PRSS23: variants seen among roughly 807,000 people sequenced by gnomAD.
PRSS23 encodes the protein serine protease 23.
A neutral mutation model predicts 34.7 loss-of-function variants in PRSS23; 25 were observed. That is an observed-to-expected ratio of 0.72 (90% CI 0.53 to 1.01). The LOEUF (loss-of-function observed/expected upper bound fraction) is 1.01. Ranked by LOEUF, PRSS23 falls within the 50% of genes least tolerant of loss-of-function variation. The pLI is 0.00. For synonymous variants in PRSS23, 176 were observed against 186.6 expected, an observed-to-expected ratio of 0.94 and a Z score of 0.46; for missense variants, 445 against 475.6, an observed-to-expected ratio of 0.94 and a Z score of 0.60.
At chr11:86,860,944 T>C (rs778412739) in intron 2 of PRSS23, among the ~76,000 whole-genome samples, 15 of 151,604 alleles carry the variant, frequency 9.9e-5, no homozygotes, top group Admixed American at 5.9e-4. Flanking sequence ...ATGATATTAC[T>C]CCCAATATAG....
intron 2 of PRSS23, among the ~76,000 whole-genome samples, chr11:86,943,216 T>C (rs1455812109): frequency 6.6e-6 from 1 of 152,256 alleles, no homozygotes; most frequent in East Asian, 1.9e-4. Flanking sequence ...TAAAGGAATG[T>C]ACTATAGTGA....
Position 86,808,932 on chromosome 11 carries a change from C to T in PRSS23, c.*137C>T. 1.4e-6 allele frequency: 1 copy of T among 721,780 alleles called. No individual in the cohort carries two copies. The highest frequency in any genetic ancestry group is 2.7e-5 in the East Asian group (1 of 37,152). The allele number at this position is 721,780 out of a possible 1,614,324, so 44.7% of individuals were successfully genotyped here. On this transcript the variant is annotated 3_prime_UTR_variant, in exon 2 of 2. Transcript: ENST00000280258. ...TGTAAGGTGTCTTATAATCTTTTAC[C>T]TATTTCTTACAATTGCAAGATGACT...
intron 2 of PRSS23, among the ~76,000 whole-genome samples, chr11:86,894,675 C>A (rs1948863164): frequency 6.6e-6 from 1 of 152,100 alleles, no homozygotes. Context: ...GAAGAAAGGA[C>A]TAACCTTTAC....
intron 2 of PRSS23, chr11:86,934,544 G>A (rs1404844836): frequency 6.6e-6 from 1 of 152,152 alleles, no homozygotes; most frequent in African/African-American, 2.4e-5. Context: ...GTGACTGGGT[G>A]GCTGAAAGGA....
At chr11:86,825,802 G>T (rs1485063656) in intron 2 of PRSS23, among the ~76,000 whole-genome samples, 3 of 149,906 alleles carry the variant, frequency 2.0e-5, no homozygotes, top group Non-Finnish European at 3.0e-5. Flanking sequence ...GATATGCGGC[G>T]TTATTTCTGA....
At chr11:86,818,491 T>C (rs1410525872) in intron 1 of PRSS23, among the ~76,000 whole-genome samples, 1 of 152,198 alleles carries the variant, frequency 6.6e-6, no homozygotes, top group East Asian at 1.9e-4. Flanking sequence ...CCTTTCTAAA[T>C]CAACACGTAA....
At chr11:86,939,426 A>ATATATATATATATATTTTTTTT in intron 2 of PRSS23, among the ~76,000 whole-genome samples, 10 of 94,068 alleles carry the variant, frequency 1.1e-4, no homozygotes, top group Non-Finnish European at 1.6e-4. Context: ...ATATATATAT[A>ATATATATATATATATTTTTTTT]TTTTTTAACA....
At chr11:86,907,209 T>G (rs1157272406) in intron 2 of PRSS23, among the ~76,000 whole-genome samples, 5 of 152,212 alleles carry the variant, frequency 3.3e-5, no homozygotes, top group Non-Finnish European at 5.9e-5. Context: ...TACTTTTTGT[T>G]ATATAGATTG....
chr11:86,952,167 T>A (rs753388992), exon 3 of PRSS23: 1 of 1,612,268 alleles, frequency 6.2e-7, no homozygotes, highest in Admixed American at 1.7e-5. Flanking sequence ...CAGTTCAGGC[T>A]CCTTTTCACC....
intron 2 of PRSS23, among the ~76,000 whole-genome samples, chr11:86,835,841 T>G (rs189973937): frequency 6.6e-6 from 1 of 152,138 alleles, no homozygotes; most frequent in African/African-American, 2.4e-5. Context: ...TGGCACAAGG[T>G]TTCTGAACGG....
intron 2 of PRSS23, among the ~76,000 whole-genome samples, chr11:86,830,348 C>A (rs554234139): frequency 3.3e-5 from 5 of 152,192 alleles, no homozygotes; most frequent in African/African-American, 1.2e-4. Context: ...GTCGGAAAAG[C>A]GCAGTATTAG....
intron 2 of PRSS23, among the ~76,000 whole-genome samples, chr11:86,871,949 T>C (rs1227873290): frequency 6.6e-6 from 1 of 152,302 alleles, no homozygotes; most frequent in South Asian, 2.1e-4. Context: ...TGTGCACACA[T>C]AGGTTGGTAA....
Position 86,829,008 on chromosome 11 carries a change from G to A in PRSS23, c.206+5415G>A, listed in dbSNP as rs372787433. On this transcript the variant is annotated intron_variant, in intron 2 of 2. Coordinates refer to the PRSS23 transcript ENST00000533902. The stretch of plus-strand genomic sequence containing the variant: ...TCTTCTCGAGGAGTATCTTTGTGGC[G>A]TTCTCTGTATTTCCTGAATCTGAAT... Among the ~76,000 whole-genome samples, 80 of 152,178 alleles carry A rather than the reference G, an allele frequency of 5.3e-4. 1 individual carries two copies. The South Asian group carries it at 0.011, about 20-fold the overall frequency.
At chr11:86,938,194 T>C (rs1271187875) in intron 2 of PRSS23, among the ~76,000 whole-genome samples, 1 of 152,168 alleles carries the variant, frequency 6.6e-6, no homozygotes, top group Non-Finnish European at 1.5e-5. Context: ...GAACAGCTCT[T>C]GCCCTTGAGA....
rs1948135777 is a variant in PRSS23, at chr11:86,808,507, C to T, written c.864C>T (p.Gly288=). The change falls in exon 2 of 2, where the codon GGC becomes GGT. Residue 288 remains glycine, a synonymous_variant. Coordinates refer to ENST00000280258, the MANE Select transcript of PRSS23 (RefSeq NM_007173.6). ...HFSGYDNDRP[G]NLVYRFCDVK... is the part of the protein sequence containing the mutation. The stretch of plus-strand genomic sequence containing the variant: ...CTGGTTATGACAATGACCGACCAGG[C>T]AATTTGGTGTATCGCTTCTGTGACG... The T allele has an allele frequency of 1.9e-6, 3 of 1,614,216 alleles. No homozygotes were observed. Among genetic ancestry groups the T allele is most frequent in the Non-Finnish European group, 2.5e-6 (3 of 1,180,040 alleles).
At chr11:86,950,770 C>G (rs902636342) in intron 2 of PRSS23, 15 of 301,530 alleles carry the variant, frequency 5.0e-5, no homozygotes, top group African/African-American at 3.2e-4. Flanking sequence ...ATATTTCTCC[C>G]TGCTAGTTAC....
chr11:86,832,311 T>C (rs1157030320), intron 2 of PRSS23, among the ~76,000 whole-genome samples: 1 of 152,120 alleles, frequency 6.6e-6, no homozygotes, highest in East Asian at 1.9e-4. Flanking sequence ...CCTGGGGATA[T>C]TTTTCACAAT....
intron 2 of PRSS23, among the ~76,000 whole-genome samples, chr11:86,932,491 C>A (rs748155200): frequency 1.3e-5 from 2 of 152,126 alleles, no homozygotes; most frequent in Non-Finnish European, 2.9e-5. Context: ...TGCTTGCAAG[C>A]ATCTGCCTCT....
chr11:86,834,711 G>C (rs57367276), intron 2 of PRSS23, among the ~76,000 whole-genome samples: 1 of 151,890 alleles, frequency 6.6e-6, no homozygotes, highest in Non-Finnish European at 1.5e-5. Flanking sequence ...GTGTTCCCTC[G>C]GAAGTTAGGA....
Sources: allele counts gnomAD v4.1 joint callset (sites outside exome capture counted in the v4.1 genomes callset), GRCh38; gene constraint gnomAD v4.1.1; transcripts MANE v1.5; gene names NCBI Gene and HGNC (gene_info 2026-07-23, HGNC 2026-07-21).